RALGAPA1: variants seen among roughly 807,000 people sequenced by gnomAD.
The protein encoded by RALGAPA1 is Ral GTPase activating protein catalytic subunit alpha 1.
Under a neutral mutation model 269.6 loss-of-function variants are expected in RALGAPA1, and 52 were observed. The ratio of observed to expected loss-of-function variants is 0.19; its 90% CI spans 0.15 to 0.24. The LOEUF (loss-of-function observed/expected upper bound fraction) is 0.24. Ranked by LOEUF, RALGAPA1 falls within the 10% of genes least tolerant of loss-of-function variation. The pLI, the probability that RALGAPA1 is intolerant of heterozygous loss-of-function variation, is 1.00. For synonymous variants in RALGAPA1, 817 were observed against 1,008.3 expected, an observed-to-expected ratio of 0.81 and a Z score of 3.60; for missense variants, 1,917 against 3,013.9, an observed-to-expected ratio of 0.64 and a Z score of 8.52.
chr14:35,784,694 G>A (rs753643444), intron 1 of RALGAPA1, among the ~76,000 whole-genome samples: 2 of 152,018 alleles, frequency 1.3e-5, no homozygotes, highest in African/African-American at 2.4e-5. Context: ...GACTGAGAAA[G>A]GCAAATTTTT....
intron 1 of RALGAPA1, among the ~76,000 whole-genome samples, chr14:35,798,303 A>G (rs535843648): frequency 2.0e-5 from 3 of 151,828 alleles, no homozygotes; most frequent in Non-Finnish European, 4.4e-5. Flanking sequence ...AGCTTCCTGA[A>G]ACACTGGGAC....
intron 30 of RALGAPA1, 116 bp from the exon 31 acceptor site, chr14:35,651,989 C>A: frequency 1.4e-6 from 1 of 692,170 alleles, no homozygotes; most frequent in Non-Finnish European, 2.3e-6. Context: ...CAAATTTATT[C>A]TAAACACATT....
chr14:35,541,369 G>A (rs546952808), intron 41 of RALGAPA1, among the ~76,000 whole-genome samples: 84 of 152,120 alleles, frequency 5.5e-4, no homozygotes, highest in African/African-American at 2.0e-3. Context: ...AAGACCAAAT[G>A]TTAGAGTTAT....
chr14:35,754,618 G>A (rs559069889), intron 7 of RALGAPA1, among the ~76,000 whole-genome samples: 4 of 152,226 alleles, frequency 2.6e-5, no homozygotes, highest in African/African-American at 4.8e-5. Flanking sequence ...TATTGCTGGT[G>A]GAATGTAAAA....
chr14:35,599,019 C>T (rs951234193), intron 36 of RALGAPA1, among the ~76,000 whole-genome samples: 8 of 152,076 alleles, frequency 5.3e-5, no homozygotes, highest in Non-Finnish European at 7.4e-5. Context: ...TGCTCTATGT[C>T]TTACATTATA....
At chr14:35,784,804 C>G (rs1386373356) in intron 1 of RALGAPA1, among the ~76,000 whole-genome samples, 1 of 152,106 alleles carries the variant, frequency 6.6e-6, no homozygotes, top group East Asian at 1.9e-4. Context: ...TGAAGACTAG[C>G]TAGTTACTAG....
Position 35,674,018 on chromosome 14 carries a change from G to C in RALGAPA1, c.4917+162C>G, listed in dbSNP as rs1005133613. 6.6e-5 allele frequency among the ~76,000 whole-genome samples: 10 copies of C among 152,214 alleles called. No homozygotes were observed. The South Asian group carries it at 1.9e-3, about 28-fold the overall frequency. ...AAGCAATAAATCCCGAGTAATTTTA[G>C]TATGCACATTCTCTTCTCTATATAA... is the stretch of plus-strand genomic sequence containing the variant. On this transcript the variant is annotated intron_variant, in intron 24 of 41. Coordinates refer to ENST00000680220, the MANE Select transcript of RALGAPA1 (RefSeq NM_001346249.2).
At chr14:35,708,913 C>T (rs991152598) in intron 16 of RALGAPA1, among the ~76,000 whole-genome samples, 1 of 152,058 alleles carries the variant, frequency 6.6e-6, no homozygotes, top group African/African-American at 2.4e-5. Flanking sequence ...TATTATTCAA[C>T]CATAAAAAAG....
intron 37 of RALGAPA1, among the ~76,000 whole-genome samples, chr14:35,590,351 G>C (rs1431270145): frequency 2.6e-5 from 4 of 152,128 alleles, no homozygotes; most frequent in Non-Finnish European, 5.9e-5. Flanking sequence ...GTAAACAAAA[G>C]GCATAAAAGG....
chr14:35,641,202 C>T (rs2062005089), intron 31 of RALGAPA1, among the ~76,000 whole-genome samples: 2 of 152,196 alleles, frequency 1.3e-5, no homozygotes, highest in South Asian at 4.2e-4. Flanking sequence ...GTGTCCACTT[C>T]CACCACTATC....
chr14:35,570,716 C>T lies in RALGAPA1; in HGVS notation c.7397G>A (p.Gly2466Asp). 6.2e-7 allele frequency: 1 copy of T among 1,605,706 alleles called. No individual in the cohort carries two copies. Among genetic ancestry groups the T allele is most frequent in the Non-Finnish European group, 8.5e-7 (1 of 1,176,862 alleles). ...EVPFFGPLFDGAIVNGKVLPI... is the reference protein window; with the variant it reads ...EVPFFGPLFDDAIVNGKVLPI... ...TAGAACCTTTCCATTCACAATAGCA[C>T]CATCAAAAAGGGGACCAAAGAAGGG... The change falls in exon 39 of 42, where the codon GGT becomes GAT. Residue 2466 changes from glycine (G) to aspartate (D), a missense_variant. This residue lies in a region of RALGAPA1 where 91 missense variants were observed against 130.9 expected (regional missense o/e 0.70). Transcript: ENST00000680220.
intron 16 of RALGAPA1, among the ~76,000 whole-genome samples, chr14:35,706,324 TC>T (rs1253433512): frequency 3.3e-5 from 5 of 152,204 alleles, no homozygotes; most frequent in Non-Finnish European, 7.3e-5. Flanking sequence ...ATGTAAGGTG[TC>T]TAGATTCATC....
At chr14:35,792,882 G>GA (rs11339118) in intron 1 of RALGAPA1, among the ~76,000 whole-genome samples, 139 of 117,498 alleles carry the variant, frequency 1.2e-3, no homozygotes, top group South Asian at 2.9e-3. Flanking sequence ...TTCAAGAGGG[G>GA]AAAAAAAAAA....
At chr14:35,768,406 G>C (rs1366871574) in intron 4 of RALGAPA1, among the ~76,000 whole-genome samples, 1 of 152,158 alleles carries the variant, frequency 6.6e-6, no homozygotes, top group Non-Finnish European at 1.5e-5. Context: ...AAATATAAAA[G>C]AGGTTGAGTA....
At chr14:35,637,750 A>G (rs538973161) in intron 31 of RALGAPA1, among the ~76,000 whole-genome samples, 1 of 152,292 alleles carries the variant, frequency 6.6e-6, no homozygotes, top group Non-Finnish European at 1.5e-5. Flanking sequence ...TTATCCAAAT[A>G]TGACTACCTT....
intron 13 of RALGAPA1, among the ~76,000 whole-genome samples, chr14:35,726,957 AGTAAG>A (rs1320147919): frequency 6.6e-6 from 1 of 152,158 alleles, no homozygotes; most frequent in Non-Finnish European, 1.5e-5. Context: ...GTAAGAATTA[AGTAAG>A]AAAATATGTG....
chr14:35,683,844 T>C lies in RALGAPA1; in HGVS notation c.4436A>G (p.Gln1479Arg). 1 of 1,603,596 alleles carries C rather than the reference T, an allele frequency of 6.2e-7. No individual in the cohort carries two copies. The highest frequency in any genetic ancestry group is 8.5e-7 in the Non-Finnish European group (1 of 1,173,530). ...HIDSETSSLN[Q>R]QAFSAEVATI... ...TGCAACTTCAGCAGAGAAAGCTTGC[T>C]GATTAAGACTGCTTGTTTCAGAATC... Residue 1479 changes from glutamine to arginine, a missense_variant, in exon 21 of 42, where the codon CAG becomes CGG. This residue lies in a region of RALGAPA1 where 615 missense variants were observed against 790.0 expected (regional missense o/e 0.78). Transcript: ENST00000680220.
At chr14:35,591,996 G>A (rs2058667446) in intron 37 of RALGAPA1, among the ~76,000 whole-genome samples, 3 of 152,178 alleles carry the variant, frequency 2.0e-5, no homozygotes, top group Admixed American at 2.0e-4. Context: ...CTTTTGCCAC[G>A]ATTGTAAGTT....
At chr14:35,684,065 T>A in intron 20 of RALGAPA1, 80 bp from the exon 21 acceptor site, 1 of 1,119,404 alleles carries the variant, frequency 8.9e-7, no homozygotes, top group Non-Finnish European at 1.3e-6. Flanking sequence ...AGCAAAATGA[T>A]CAAACATAAA....
Sources: allele counts gnomAD v4.1 joint callset (sites outside exome capture counted in the v4.1 genomes callset), GRCh38; gene constraint gnomAD v4.1.1; regional missense constraint gnomAD v4.1.1; transcripts MANE v1.5; gene names NCBI Gene and HGNC (gene_info 2026-07-23, HGNC 2026-07-21).